Variants in ALOX15 observed in about 807,000 individuals in gnomAD.
ALOX15 encodes polyunsaturated fatty acid lipoxygenase ALOX15.
Under a neutral mutation model 71.7 loss-of-function variants are expected in ALOX15, and 68 were observed. The observed-to-expected ratio is 0.95, with a 90% CI of 0.78 to 1.16. The LOEUF is 1.16. ALOX15 is among the 50% of genes most tolerant of loss of function. The probability of loss-of-function intolerance (pLI) is 0.00; values close to 1 mark genes in which losing one functional copy is unlikely to be tolerated. For missense variants in ALOX15, 798 were observed against 818.8 expected (o/e 0.97, Z 0.31); for synonymous variants, 346 against 333.3 (o/e 1.04, Z -0.42).
intron 7 of ALOX15, among the ~76,000 whole-genome samples, chr17:4,636,670 G>A (rs940989943): frequency 3.9e-5 from 6 of 152,096 alleles, no homozygotes; most frequent in African/African-American, 1.2e-4. Flanking sequence ...GTTTCATCAC[G>A]GCCTTCTCCA....
At chr17:4,639,155 G>A (rs374128233) in intron 2 of ALOX15, 23 bp from the exon 3 acceptor site, 1 of 1,613,650 alleles carries the variant, frequency 6.2e-7, no homozygotes, top group African/African-American at 1.3e-5. Flanking sequence ...AGGAGGACTT[G>A]GCCAGTGACT....
At chr17:4,639,338 A>G in intron 2 of ALOX15, 92 bp downstream of exon 2, 1 of 1,489,378 alleles carries the variant, frequency 6.7e-7, no homozygotes, top group South Asian at 1.2e-5. Context: ...AGGTTCCAGC[A>G]CCCCCATCCT....
intron 2 of ALOX15, 97 bp from the exon 3 acceptor site, chr17:4,639,229 C>A: frequency 2.0e-6 from 3 of 1,499,356 alleles, no homozygotes; most frequent in Non-Finnish European, 2.8e-6. Flanking sequence ...TCTGTGTGGC[C>A]TCTGCCCCTT....
At chr17:4,638,807 G>C (rs1199117658) in intron 4 of ALOX15, 43 bp downstream of exon 4, 2 of 1,613,380 alleles carry the variant, frequency 1.2e-6, no homozygotes, top group South Asian at 1.1e-5. Context: ...GCTTCCACTA[G>C]ACCAGGACAC....
Position 4,639,320 on chromosome 17 carries a change from G to A in ALOX15, c.337+110C>T, listed in dbSNP as rs1445334769. On this transcript the variant is annotated intron_variant, in intron 2 of 13. Transcript: ENST00000293761. Reference sequence around the variant, plus strand: ...CCCCTTCGACACCCCCAAAGACCCCGGCGCTCCAGGTTCCAGCACCCCCAT... The same window carrying A: ...CCCCTTCGACACCCCCAAAGACCCCAGCGCTCCAGGTTCCAGCACCCCCAT... The A allele has an allele frequency of 7.1e-6, 10 of 1,405,392 alleles. No individual in the cohort carries two copies. In the East Asian group the frequency reaches 1.2e-4, roughly 16 times the overall value. The allele number at this position is 1,405,392 out of a possible 1,614,324, so 87.1% of individuals were successfully genotyped here.
chr17:4,633,374 A>G, intron 9 of ALOX15, 40 bp downstream of exon 9: 1 of 1,611,348 alleles, frequency 6.2e-7, no homozygotes, highest in South Asian at 1.1e-5. Context: ...CCAGAGCTGG[A>G]AAAAAGACAG....
At chr17:4,634,521 T>C (rs989870873) in intron 8 of ALOX15, among the ~76,000 whole-genome samples, 1 of 152,030 alleles carries the variant, frequency 6.6e-6, no homozygotes, top group African/African-American at 2.4e-5. Flanking sequence ...CTCAACTTTT[T>C]TTTTTTTAAT....
chr17:4,633,607 C>T (rs1228925973), intron 8 of ALOX15, 107 bp from the exon 9 acceptor site: 9 of 947,178 alleles, frequency 9.5e-6, no homozygotes, highest in Non-Finnish European at 1.3e-5. Context: ...AGAAAAAGCA[C>T]AGACGTAAAG....
Position 4,638,573 on chromosome 17 carries a change from G to A in ALOX15, c.646+8C>T. The A allele has an allele frequency of 3.1e-6, 5 of 1,613,364 alleles. No homozygotes were observed. The highest frequency in any genetic ancestry group is 1.7e-4 in the Middle Eastern group (1 of 6,052). ...GGGTTGGGAGACATACTGGGGTGGG[G>A]GACTGACCAGCCAGCTTGCTCTGAC... On this transcript the variant is annotated splice_region_variant and intron_variant, in intron 5 of 13. Transcript: ENST00000293761.
chr17:4,641,512 C>T lies in ALOX15; in HGVS notation c.135+5G>A, dbSNP rs1911329625. The T allele has an allele frequency of 1.2e-6, 2 of 1,612,316 alleles. No homozygotes were observed. The highest frequency in any genetic ancestry group is 1.7e-6 in the Non-Finnish European group (2 of 1,179,514). On this transcript the variant is annotated splice_donor_5th_base_variant and intron_variant, in intron 1 of 13. Coordinates refer to ENST00000293761, the MANE Select transcript of ALOX15 (RefSeq NM_001140.5). Reference sequence around the variant, plus strand: ...GCCCACCCCGCCCGGCTCTGGGGAGCTCACCTTGCCCCGTGCGGGCCACAG... The same window carrying T: ...GCCCACCCCGCCCGGCTCTGGGGAGTTCACCTTGCCCCGTGCGGGCCACAG...
chr17:4,637,282 G>A, intron 6 of ALOX15, 24 bp from the exon 7 acceptor site: 1 of 1,594,192 alleles, frequency 6.3e-7, no homozygotes, highest in South Asian at 1.1e-5. Context: ...GAGGTCAAGG[G>A]CTGCTATCAA....
chr17:4,632,376 G>T, intron 11 of ALOX15, 95 bp from the exon 12 acceptor site: 1 of 1,023,836 alleles, frequency 9.8e-7, no homozygotes. Flanking sequence ...GCGAGAAAGA[G>T]CGGCAGGAAT....
intron 10 of ALOX15, 68 bp from the exon 11 acceptor site, chr17:4,633,050 G>A (rs1910968230): frequency 6.2e-7 from 1 of 1,611,894 alleles, no homozygotes; most frequent in Admixed American, 1.7e-5. Flanking sequence ...GGCCAGGTCA[G>A]GGCCCCAGGC....
At chr17:4,634,765 G>C (rs1911035935) in intron 8 of ALOX15, among the ~76,000 whole-genome samples, 1 of 151,728 alleles carries the variant, frequency 6.6e-6, no homozygotes, top group South Asian at 2.1e-4. Flanking sequence ...GATCACCTGA[G>C]GTCAGGAGTT....
rs1911241092 is a variant in ALOX15 at position 4,639,508 on chromosome 17, C to T, written c.259G>A (p.Gly87Arg). The T allele has an allele frequency of 6.2e-7, 1 of 1,614,004 alleles. No homozygotes were observed. The highest frequency in any genetic ancestry group is 1.7e-5 in the Admixed American group (1 of 60,034). Reference protein sequence around the residue: ...FCNWISVQGPGAGDEVRFPCY... With the variant: ...FCNWISVQGPRAGDEVRFPCY... ...GGGAACCTGACCTCGTCCCCGGCTCCGGGGCCCTGCACAGAGATCCAGTTG... is the reference window on the plus strand; with the variant it reads ...GGGAACCTGACCTCGTCCCCGGCTCTGGGGCCCTGCACAGAGATCCAGTTG... The change falls in exon 2 of 14, where the codon GGA (glycine) becomes AGA (arginine). Residue 87 changes from glycine (G) to arginine (R), a missense_variant. Physicochemically the swap from Gly to Arg is moderately radical, Grantham distance 125. This residue lies in a region of ALOX15 where 300 missense variants were observed against 283.1 expected (regional missense o/e 1.06). Coordinates refer to ENST00000293761, the MANE Select transcript of ALOX15 (RefSeq NM_001140.5).
chr17:4,639,582 A>G lies in ALOX15; in HGVS notation c.185T>C (p.Phe62Ser). The change falls in exon 2 of 14, where the codon TTT becomes TCT. Residue 62 changes from phenylalanine (F) to serine (S), a missense_variant. Around this residue, in one of 3 missense-constraint regions of ALOX15, gnomAD observed 300 missense variants for 283.1 expected, o/e 1.06. Transcript: ENST00000293761. ...EVPEYLGPLL[F>S]VKLRKRHLLK... Reference sequence around the variant, plus strand: ...GAGGTGCCGTTTGCGCAGTTTCACAAACAGCAGCGGCCCCAGATACTCCGG... The same window carrying G: ...GAGGTGCCGTTTGCGCAGTTTCACAGACAGCAGCGGCCCCAGATACTCCGG... 1 of 1,614,050 alleles carries G rather than the reference A, an allele frequency of 6.2e-7. No individual in the cohort carries two copies. The highest frequency in any genetic ancestry group is 8.5e-7 in the Non-Finnish European group (1 of 1,179,994).
At chr17:4,637,891 C>G (rs1328882782) in intron 6 of ALOX15, among the ~76,000 whole-genome samples, 3 of 151,958 alleles carry the variant, frequency 2.0e-5, no homozygotes, top group African/African-American at 4.8e-5. Flanking sequence ...ATATCGCCTC[C>G]TGATGAACAG....
At position 4,637,215 on chromosome 17, in the gene ALOX15, A is replaced by G; in HGVS notation, c.851T>C (p.Ile284Thr). The change falls in exon 7 of 14, where the codon ATC becomes ACC. Residue 284 changes from isoleucine (I) to threonine (T), a missense_variant. Physicochemically the swap from Ile to Thr is moderately conservative, Grantham distance 89. Coordinates refer to ENST00000293761, the MANE Select transcript of ALOX15 (RefSeq NM_001140.5). ...FEADFSLLDG[I>T]KANVILCSQQ... ...GCTACAGAGAATGACGTTGGCCTTG[A>G]TCCCATCCAGCAGGGAGAAGTCAGC... is the stretch of plus-strand genomic sequence containing the variant. 1.2e-6 allele frequency: 2 copies of G among 1,613,852 alleles called. No individual in the cohort carries two copies. The highest frequency in any genetic ancestry group is 1.7e-6 in the Non-Finnish European group (2 of 1,179,818).
At chr17:4,632,371 A>G in intron 11 of ALOX15, 90 bp from the exon 12 acceptor site, 2 of 1,065,088 alleles carry the variant, frequency 1.9e-6, no homozygotes, top group South Asian at 1.3e-5. Flanking sequence ...CAAGGGCGAG[A>G]AAGAGCGGCA....
Sources: gnomAD v4.1 joint callset for allele counts (sites outside exome capture counted in the v4.1 genomes callset) on GRCh38, gnomAD v4.1.1 for gene constraint, gnomAD v4.1.1 regional missense constraint, MANE v1.5 for transcripts, NCBI Gene and HGNC (gene_info 2026-07-23, HGNC 2026-07-21) for gene names.